TNKS: variants seen among roughly 807,000 people sequenced by gnomAD.
The protein encoded by TNKS is poly [ADP-ribose] polymerase tankyrase-1.
TNKS carries 72 observed loss-of-function variants against 135.8 expected under a neutral mutation model. The observed-to-expected ratio is 0.53, with a 90% CI of 0.44 to 0.64. The LOEUF is 0.64. TNKS is among the 30% of genes least tolerant of loss of function. TNKS has a pLI of 0.00. For missense variants in TNKS, 1,769 were observed against 1,674.0 expected, an observed-to-expected ratio of 1.06 and a Z score of -0.99; for synonymous variants, 849 against 649.3, an observed-to-expected ratio of 1.31 and a Z score of -4.68.
chr8:9,588,621 A>G (rs28374482), intron 2 of TNKS, among the ~76,000 whole-genome samples: 45,988 of 152,106 alleles, frequency 0.3, 7,132 homozygotes, highest in East Asian at 0.39. Context: ...ATTGTCTGCA[A>G]TATGAGGCAT....
At chr8:9,665,067 C>G (rs1385622514) in intron 3 of TNKS, among the ~76,000 whole-genome samples, 3 of 152,304 alleles carry the variant, frequency 2.0e-5, no homozygotes, top group Middle Eastern at 6.8e-3. Flanking sequence ...CTAATCAAGA[C>G]CTTTCCTATA....
intron 3 of TNKS, among the ~76,000 whole-genome samples, chr8:9,655,790 GGAAAAACCAAAGCA>G (rs1210044094): frequency 6.6e-6 from 1 of 151,814 alleles, no homozygotes; most frequent in Non-Finnish European, 1.5e-5. Context: ...ACCAAGATGG[GGAAAAACCAAAGCA>G]GAAAAACCAG....
intron 3 of TNKS, among the ~76,000 whole-genome samples, chr8:9,670,516 A>G (rs191515822): frequency 1.7e-3 from 264 of 152,314 alleles, no homozygotes; most frequent in South Asian, 3.5e-3. Context: ...TTAAATACCT[A>G]GTAAAATAGA....
intron 13 of TNKS, among the ~76,000 whole-genome samples, chr8:9,729,023 G>T (rs1313028802): frequency 6.6e-6 from 1 of 152,198 alleles, no homozygotes; most frequent in African/African-American, 2.4e-5. Context: ...CCAAGATCCA[G>T]GTACTCGTAG....
chr8:9,707,875 A>G (rs1804123989), intron 8 of TNKS, among the ~76,000 whole-genome samples: 1 of 152,192 alleles, frequency 6.6e-6, no homozygotes, highest in African/African-American at 2.4e-5. Context: ...TGTTTTCTAT[A>G]CCATTACTTA....
At chr8:9,720,314 G>T in intron 11 of TNKS, 60 bp from the exon 12 acceptor site, 1 of 1,374,696 alleles carries the variant, frequency 7.3e-7, no homozygotes, top group Non-Finnish European at 9.7e-7. Context: ...TATTTTCTAA[G>T]GTATAAAAGG....
chr8:9,690,907 A>C (rs1463984899), intron 5 of TNKS, among the ~76,000 whole-genome samples: 1 of 152,164 alleles, frequency 6.6e-6, no homozygotes, highest in East Asian at 1.9e-4. Flanking sequence ...GATTCATAGA[A>C]TCTTACTTGG....
At chr8:9,589,312 A>G (rs575750317) in intron 2 of TNKS, among the ~76,000 whole-genome samples, 10 of 152,296 alleles carry the variant, frequency 6.6e-5, no homozygotes, top group African/African-American at 2.4e-4. Context: ...AGCTAATGAA[A>G]GGTATTGTTT....
At chr8:9,731,852 A>G (rs113410293) in intron 14 of TNKS, among the ~76,000 whole-genome samples, 15 of 152,170 alleles carry the variant, frequency 9.9e-5, no homozygotes, top group Non-Finnish European at 1.3e-4. Flanking sequence ...CAGTGGCACA[A>G]TCTCGGCTCA....
At chr8:9,612,770 A>T (rs1799509534) in intron 2 of TNKS, among the ~76,000 whole-genome samples, 1 of 152,192 alleles carries the variant, frequency 6.6e-6, no homozygotes, top group African/African-American at 2.4e-5. Flanking sequence ...GCAGTTTAAA[A>T]TTCGAATGTA....
At chr8:9,683,712 C>A (rs1802875485) in intron 5 of TNKS, among the ~76,000 whole-genome samples, 1 of 151,432 alleles carries the variant, frequency 6.6e-6, no homozygotes, top group African/African-American at 2.4e-5. Context: ...TGGGATTATA[C>A]AATGAGAGTG....
intron 3 of TNKS, among the ~76,000 whole-genome samples, chr8:9,670,471 C>A (rs187701544): frequency 2.0e-5 from 3 of 152,240 alleles, no homozygotes; most frequent in South Asian, 2.1e-4. Flanking sequence ...AATCCCATCC[C>A]TAATGTCAGC....
In TNKS at chr8:9,623,513, A is replaced by C. The variant is rs1489241096; in HGVS notation, c.994+7836A>C. 2.0e-5 allele frequency among the ~76,000 whole-genome samples: 3 copies of C among 151,834 alleles called. No individual in the cohort carries two copies. In the East Asian group the frequency reaches 5.8e-4, roughly 29 times the overall value. On this transcript the variant is annotated intron_variant, in intron 3 of 26. Coordinates refer to ENST00000310430, the MANE Select transcript of TNKS (RefSeq NM_003747.3). The stretch of plus-strand genomic sequence containing the variant: ...TATAGTGTGCAGTAGCATTATGTCT[A>C]AAAAAAGTACTACCTTAATTAAAAA...
chr8:9,650,061 T>G (rs1304177823), intron 3 of TNKS, among the ~76,000 whole-genome samples: 3 of 151,668 alleles, frequency 2.0e-5, no homozygotes, highest in Non-Finnish European at 4.4e-5. Flanking sequence ...CCTGGCTAAT[T>G]TTGTATTTTT....
At chr8:9,623,212 T>G (rs753461610) in intron 3 of TNKS, among the ~76,000 whole-genome samples, 1 of 152,208 alleles carries the variant, frequency 6.6e-6, no homozygotes, top group Non-Finnish European at 1.5e-5. Context: ...TCACTAGGGT[T>G]GATGAACATT....
rs1808354288 is a variant in TNKS at position 9,778,967 on chromosome 8, C to A, written c.*2231C>A. On this transcript the variant is annotated 3_prime_UTR_variant, in exon 27 of 27. Transcript: ENST00000310430. ...GCGCCAGTTTTCATCTTGGTCCTTA[C>A]ACTTGAGAAGTTAAACTGTGGTTCA... 6.6e-6 allele frequency: 1 copy of A among 152,200 alleles called. No individual in the cohort carries two copies. The highest frequency in any genetic ancestry group is 1.5e-5 in the Non-Finnish European group (1 of 68,046). The allele number at this position is 152,200 out of a possible 1,614,324, so 9.4% of individuals were successfully genotyped here. A position where few individuals can be genotyped will look rare whatever the true frequency, so the allele number is the denominator to read the frequency against.
At chr8:9,587,947 G>A (rs1798451423) in intron 2 of TNKS, among the ~76,000 whole-genome samples, 1 of 152,180 alleles carries the variant, frequency 6.6e-6, no homozygotes, top group Non-Finnish European at 1.5e-5. Context: ...TCTTGGAAAT[G>A]CTTAAAGATT....
intron 3 of TNKS, among the ~76,000 whole-genome samples, chr8:9,636,196 A>G (rs1247808079): frequency 6.6e-6 from 1 of 152,202 alleles, no homozygotes; most frequent in Admixed American, 6.5e-5. Flanking sequence ...GCAGATGATT[A>G]TAAGTAGGTG....
intron 1 of TNKS, among the ~76,000 whole-genome samples, chr8:9,571,409 A>G (rs978720393): frequency 6.6e-6 from 1 of 152,160 alleles, no homozygotes; most frequent in Non-Finnish European, 1.5e-5. Context: ...GTTTTGAGGG[A>G]TGATCTGCTT....
Sources: allele counts gnomAD v4.1 joint callset (sites outside exome capture counted in the v4.1 genomes callset), GRCh38; gene constraint gnomAD v4.1.1; transcripts MANE v1.5; gene names NCBI Gene and HGNC (gene_info 2026-07-23, HGNC 2026-07-21).